CPSF7: variants seen among roughly 807,000 people sequenced by gnomAD.
CPSF7 encodes cleavage and polyadenylation specific factor 7, also known as cleavage and polyadenylation specificity factor subunit 7.
Under a neutral mutation model 44.3 loss-of-function variants are expected in CPSF7, and 1 was observed. That is an observed-to-expected ratio of 0.02 (90% confidence interval 0.01 to 0.11). The LOEUF (loss-of-function observed/expected upper bound fraction) is 0.11, where lower values mean the gene tolerates loss of function less well. Ranked by LOEUF, CPSF7 falls within the 10% of genes least tolerant of loss-of-function variation. CPSF7 has a pLI of 1.00. For synonymous variants in CPSF7, 202 were observed against 222.0 expected, an observed-to-expected ratio of 0.91 and a Z score of 0.80; for missense variants, 443 against 607.2, an observed-to-expected ratio of 0.73 and a Z score of 2.84.
chr11:61,411,317 T>C (rs1038600329), intron 8 of CPSF7, among the ~76,000 whole-genome samples: 4 of 152,198 alleles, frequency 2.6e-5, no homozygotes, highest in African/African-American at 9.7e-5. Flanking sequence ...ATTTATCAGG[T>C]GTAGTGCTAA....
chr11:61,418,292 T>C (rs567719294), intron 5 of CPSF7, among the ~76,000 whole-genome samples: 1 of 152,316 alleles, frequency 6.6e-6, no homozygotes, highest in African/African-American at 2.4e-5. Context: ...GAAACTTTGC[T>C]GTTCCTCCCA....
At position 61,419,986 on chromosome 11, in the gene CPSF7, C is replaced by T. The variant is rs373828067; in HGVS notation, c.486G>A (p.Arg162=). ...GEKVDVRPAT[R]QNLSQFEAQA... ...GTGCCTCAAACTGTGACAGGTTCTG[C>T]CGGGTGGCCGGCCTCACGTCCACTT... is the stretch of plus-strand genomic sequence containing the variant. The change falls in exon 5 of 10, where the codon CGG becomes CGA. Residue 162 remains arginine, a synonymous_variant. Coordinates refer to ENST00000439958, the MANE Select transcript of CPSF7 (RefSeq NM_001142565.3). 80 of 1,614,076 alleles carry T rather than the reference C, an allele frequency of 5.0e-5. No individual in the cohort carries two copies. The East Asian group carries it at 1.5e-3, about 30-fold the overall frequency.
At chr11:61,428,506 T>C (rs1488150599) in intron 2 of CPSF7, among the ~76,000 whole-genome samples, 4 of 152,184 alleles carry the variant, frequency 2.6e-5, no homozygotes, top group African/African-American at 9.7e-5. Context: ...TTCTGTATAA[T>C]GTTCCCTGGT....
intron 3 of CPSF7, chr11:61,421,127 CCT>C (rs1565113904): frequency 7.0e-7 from 1 of 1,420,426 alleles, no homozygotes; most frequent in East Asian, 3.3e-5. Flanking sequence ...CTCAGATGAC[CCT>C]GCTAGACATA....
rs149905418 is a variant in CPSF7 at position 61,412,705 on chromosome 11, G to A, written c.1058-768C>T. Among the ~76,000 whole-genome samples, 4 of 152,352 alleles carry A rather than the reference G, an allele frequency of 2.6e-5. No individual in the cohort carries two copies. In the East Asian group the frequency reaches 5.8e-4, roughly 22 times the overall value. ...AATTAAAAAAGCAGGAGGTAAACCT[G>A]TATGTAAACAAAGTAATCCATGTAA... is the stretch of plus-strand genomic sequence containing the variant. On this transcript the variant is annotated intron_variant, in intron 7 of 9. Transcript: ENST00000439958.
At chr11:61,419,265 A>C (rs1296966399) in intron 5 of CPSF7, among the ~76,000 whole-genome samples, 1 of 152,010 alleles carries the variant, frequency 6.6e-6, no homozygotes, top group African/African-American at 2.4e-5. Context: ...CTCGTGATCC[A>C]CCCACCTCGG....
intron 7 of CPSF7, 33 bp downstream of exon 7, chr11:61,415,633 A>G: frequency 7.3e-7 from 1 of 1,369,214 alleles, no homozygotes. Context: ...GTAAAGGTTA[A>G]GGAGAAGGCA....
intron 9 of CPSF7, among the ~76,000 whole-genome samples, chr11:61,409,384 T>G (rs186307806): frequency 6.6e-6 from 1 of 151,584 alleles, no homozygotes; most frequent in Non-Finnish European, 1.5e-5. Flanking sequence ...AGGCAGAGAA[T>G]TGCTTGAACC....
intron 9 of CPSF7, among the ~76,000 whole-genome samples, chr11:61,408,532 G>A (rs115306225): frequency 6.6e-6 from 1 of 152,148 alleles, no homozygotes; most frequent in Non-Finnish European, 1.5e-5. Context: ...TAGCCTCCAA[G>A]AACTACAGAC....
chr11:61,415,982 T>C (rs1860295060), intron 6 of CPSF7, 123 bp downstream of exon 6: 2 of 1,010,286 alleles, frequency 2.0e-6, no homozygotes, highest in African/African-American at 3.2e-5. Flanking sequence ...GAGTCAATGC[T>C]ATGATAACAG....
intron 5 of CPSF7, among the ~76,000 whole-genome samples, chr11:61,418,790 G>A (rs916218684): frequency 4.0e-5 from 6 of 151,678 alleles, no homozygotes; most frequent in Admixed American, 2.6e-4. Context: ...GCAATCTCAG[G>A]TCACTGCAAC....
chr11:61,423,143 C>T (rs1861045341), intron 2 of CPSF7, among the ~76,000 whole-genome samples: 1 of 116,774 alleles, frequency 8.6e-6, no homozygotes, highest in Non-Finnish European at 1.8e-5. Flanking sequence ...GTTCAGGATT[C>T]TACAATGTAA....
chr11:61,419,483 G>A (rs893602712), intron 5 of CPSF7, among the ~76,000 whole-genome samples: 5 of 152,172 alleles, frequency 3.3e-5, no homozygotes, highest in African/African-American at 7.2e-5. Flanking sequence ...TCCAATCAAC[G>A]TTTATGAAAA....
rs1464140652 is a variant in CPSF7, at chr11:61,427,498, C to CA, written c.54+1683dup. The stretch of plus-strand genomic sequence containing the variant: ...TGAAACCCCGTCTCTACTAAAATTA[C>CA]AAAAATTAGCCAGGTGAGGTGACCC... On this transcript the variant is annotated intron_variant, in intron 2 of 9. Transcript: ENST00000439958. 3.3e-5 allele frequency among the ~76,000 whole-genome samples: 5 copies of CA among 151,718 alleles called. No homozygotes were observed. In the South Asian group the frequency reaches 1.0e-3, roughly 32 times the overall value.
rs145356001 is a variant in CPSF7 at position 61,412,007 on chromosome 11, CT to C, written c.1058-71del. On this transcript the variant is annotated intron_variant, in intron 7 of 9. Coordinates refer to ENST00000439958, the MANE Select transcript of CPSF7 (RefSeq NM_001142565.3). ...TAAACTAACTGGACCAAAAGGAGAA[CT>C]CAGGCAGACACAAACCAAGAGTAGC... 7,281 of 1,395,682 alleles carry C rather than the reference CT, an allele frequency of 5.2e-3. 31 individuals are homozygous for C. Among genetic ancestry groups the C allele is most frequent in the Non-Finnish European group, 6.3e-3 (6,206 of 992,122 alleles). The allele number at this position is 1,395,682 out of a possible 1,614,324, so 86.5% of individuals were successfully genotyped here. A position where few individuals can be genotyped will look rare whatever the true frequency, so the allele number is the denominator to read the frequency against.
intron 2 of CPSF7, among the ~76,000 whole-genome samples, chr11:61,424,936 T>A (rs757465626): frequency 6.6e-6 from 1 of 152,226 alleles, no homozygotes; most frequent in African/African-American, 2.4e-5. Context: ...TGGACTAACA[T>A]GCAGATTTGG....
chr11:61,411,900 G>A lies in CPSF7; in HGVS notation c.1095C>T (p.Ala365=), dbSNP rs763179616. 1 of 1,614,184 alleles carries A rather than the reference G, an allele frequency of 6.2e-7. No individual in the cohort carries two copies. Among genetic ancestry groups the A allele is most frequent in the East Asian group, 2.2e-5 (1 of 44,890 alleles). The change falls in exon 8 of 10, where the codon GCC becomes GCT. Residue 365 remains alanine (A), a synonymous_variant. Transcript: ENST00000439958. ...YSDAIETLLT[A]IAVIKQSRVA... is the part of the protein sequence containing the mutation. ...CCCGGGACTGTTTGATAACCGCAAT[G>A]GCTGTGAGCAGCGTCTCAATTGCGT... is the stretch of plus-strand genomic sequence containing the variant.
chr11:61,429,241 C>G lies in CPSF7; in HGVS notation c.-6G>C. On this transcript the variant is annotated 5_prime_UTR_variant, in exon 2 of 10. Transcript: ENST00000439958. ...AAGTCCACTCCTTCTGACATGGCTC[C>G]GGAAGGAAGATCGCGAGTCCGGAGG... 3.1e-6 allele frequency: 5 copies of G among 1,613,694 alleles called. No individual in the cohort carries two copies. Among genetic ancestry groups the G allele is most frequent in the Non-Finnish European group, 4.2e-6 (5 of 1,179,700 alleles).
intron 7 of CPSF7, among the ~76,000 whole-genome samples, chr11:61,414,594 T>C (rs1860146465): frequency 6.6e-6 from 1 of 152,224 alleles, no homozygotes; most frequent in Non-Finnish European, 1.5e-5. Context: ...AAGCAGATGA[T>C]AATATTTAGG....
Sources: allele counts gnomAD v4.1 joint callset (sites outside exome capture counted in the v4.1 genomes callset), GRCh38; gene constraint gnomAD v4.1.1; transcripts MANE v1.5; gene names NCBI Gene and HGNC (gene_info 2026-07-23, HGNC 2026-07-21).